Variants in TRDN observed in about 807,000 individuals in gnomAD.
TRDN encodes triadin in skeletal muscle.
Under a neutral mutation model 149.7 loss-of-function variants are expected in TRDN, and 161 were observed. The ratio of observed to expected loss-of-function variants is 1.08; its 90% CI spans 0.95 to 1.23. TRDN has a LOEUF of 1.23. TRDN is among the 50% of genes most tolerant of loss of function. The probability of loss-of-function intolerance (pLI) is 0.00; values close to 1 mark genes in which losing one functional copy is unlikely to be tolerated. For missense variants in TRDN, 896 were observed against 823.5 expected, an observed-to-expected ratio of 1.09 and a Z score of -1.08; for synonymous variants, 294 against 250.5, an observed-to-expected ratio of 1.17 and a Z score of -1.64.
chr6:123,322,425 C>A (rs1270798959), intron 23 of TRDN, among the ~76,000 whole-genome samples: 1 of 151,966 alleles, frequency 6.6e-6, no homozygotes, highest in African/African-American at 2.4e-5. Flanking sequence ...GAAATGGAAA[C>A]ATTATAATTA....
intron 9 of TRDN, among the ~76,000 whole-genome samples, chr6:123,494,415 T>C (rs1367448144): frequency 6.6e-6 from 1 of 152,206 alleles, no homozygotes; most frequent in Non-Finnish European, 1.5e-5. Context: ...CCTCGCTGAA[T>C]TTCTTAGTGC....
At chr6:123,531,324 G>T (rs886567023) in intron 4 of TRDN, among the ~76,000 whole-genome samples, 1 of 151,938 alleles carries the variant, frequency 6.6e-6, no homozygotes, top group African/African-American at 2.4e-5. Flanking sequence ...TTAGAAAAAT[G>T]CTAATGAGGT....
chr6:123,432,827 G>A (rs1774388056), intron 12 of TRDN, among the ~76,000 whole-genome samples: 1 of 151,910 alleles, frequency 6.6e-6, no homozygotes, highest in Admixed American at 6.6e-5. Flanking sequence ...ATAATACCAA[G>A]CTCTTAACTT....
chr6:123,463,026 G>A (rs1204793042), intron 10 of TRDN: 1 of 152,144 alleles, frequency 6.6e-6, no homozygotes, highest in Non-Finnish European at 1.5e-5. Flanking sequence ...TAGGTTCTGG[G>A]ATGAACTGTC....
chr6:123,519,890 A>G (rs1267023997), intron 5 of TRDN, among the ~76,000 whole-genome samples: 1 of 152,126 alleles, frequency 6.6e-6, no homozygotes, highest in African/African-American at 2.4e-5. Context: ...GTTAGGTATT[A>G]GTGCTAAAAT....
chr6:123,348,880 G>T (rs76927159), intron 21 of TRDN, among the ~76,000 whole-genome samples: 34 of 152,196 alleles, frequency 2.2e-4, no homozygotes, highest in Non-Finnish European at 4.3e-4. Context: ...TTTCCTCACA[G>T]ACATAATTGA....
At chr6:123,590,756 C>G (rs1352588299) in intron 1 of TRDN, among the ~76,000 whole-genome samples, 1 of 151,844 alleles carries the variant, frequency 6.6e-6, no homozygotes, top group African/African-American at 2.4e-5. Flanking sequence ...GAGTGAGACT[C>G]TGTCTCAAAA....
At chr6:123,591,849 CA>C (rs1783800439) in intron 1 of TRDN, among the ~76,000 whole-genome samples, 1 of 152,076 alleles carries the variant, frequency 6.6e-6, no homozygotes, top group Non-Finnish European at 1.5e-5. Context: ...TTCAAAAGAG[CA>C]AGCAATTAGG....
chr6:123,445,971 G>C (rs1775317254), intron 10 of TRDN, among the ~76,000 whole-genome samples: 1 of 145,666 alleles, frequency 6.9e-6, no homozygotes, highest in African/African-American at 2.7e-5. Context: ...CGATAGCAAA[G>C]ACTTGGAACC....
At chr6:123,612,271 A>C (rs1261061703) in intron 1 of TRDN, among the ~76,000 whole-genome samples, 2 of 60,916 alleles carry the variant, frequency 3.3e-5, no homozygotes, top group Admixed American at 2.7e-4. Context: ...GGGTGGGGGG[A>C]GGGGGGAGGG....
At chr6:123,373,184 G>T (rs1318536572) in intron 19 of TRDN, among the ~76,000 whole-genome samples, 1 of 152,124 alleles carries the variant, frequency 6.6e-6, no homozygotes, top group African/African-American at 2.4e-5. Context: ...TTGTGGAAGG[G>T]ACCCAGTGGG....
chr6:123,519,182 G>A (rs924065071), intron 5 of TRDN, among the ~76,000 whole-genome samples: 4 of 152,062 alleles, frequency 2.6e-5, no homozygotes, highest in Non-Finnish European at 5.9e-5. Context: ...AAGTCCCTTC[G>A]GTATGCTGAT....
intron 32 of TRDN, among the ~76,000 whole-genome samples, chr6:123,266,644 TTATA>T (rs1777002934): frequency 1.2e-4 from 3 of 24,386 alleles, no homozygotes; most frequent in Admixed American, 1.4e-3. Flanking sequence ...ATGTATTATA[TTATA>T]ATAATATGTA....
At chr6:123,627,641 G>A (rs969620840) in intron 1 of TRDN, among the ~76,000 whole-genome samples, 2 of 152,130 alleles carry the variant, frequency 1.3e-5, no homozygotes, top group Non-Finnish European at 2.9e-5. Context: ...TTGAAGCTTT[G>A]GAGCCAGGCA....
intron 2 of TRDN, among the ~76,000 whole-genome samples, chr6:123,559,605 A>C (rs749960221): frequency 5.9e-5 from 9 of 151,506 alleles, no homozygotes; most frequent in Non-Finnish European, 8.9e-5. Context: ...CCTTACCCCA[A>C]TCAATGCCAA....
chr6:123,225,959 T>C (rs181540867), intron 38 of TRDN, among the ~76,000 whole-genome samples: 5 of 151,938 alleles, frequency 3.3e-5, no homozygotes, highest in African/African-American at 1.2e-4. Flanking sequence ...TACTAACTGT[T>C]CACTAATAAA....
chr6:123,542,768 A>AT (rs1286280112), intron 4 of TRDN, among the ~76,000 whole-genome samples: 2 of 151,838 alleles, frequency 1.3e-5, no homozygotes, highest in Non-Finnish European at 2.9e-5. Context: ...AAAAACATAT[A>AT]TTTTTTAACT....
chr6:123,360,127 A>G (rs1356343813), intron 20 of TRDN, among the ~76,000 whole-genome samples: 1 of 152,248 alleles, frequency 6.6e-6, no homozygotes, highest in Middle Eastern at 3.4e-3. Flanking sequence ...CCTATCACCT[A>G]GGTATTAAGC....
chr6:123,323,132 T>C (rs187092721), intron 23 of TRDN, among the ~76,000 whole-genome samples: 18 of 152,224 alleles, frequency 1.2e-4, no homozygotes, highest in Admixed American at 9.8e-4. Context: ...ATTTTTAGGG[T>C]GTTTAAACCA....
Sources: gnomAD v4.1 joint callset for allele counts (sites outside exome capture counted in the v4.1 genomes callset) on GRCh38, gnomAD v4.1.1 for gene constraint, MANE v1.5 for transcripts, NCBI Gene and HGNC (gene_info 2026-07-23, HGNC 2026-07-21) for gene names.